COL4A2: variants seen among roughly 807,000 people sequenced by gnomAD.
COL4A2 encodes collagen type IV alpha 2 chain.
A neutral mutation model predicts 200.2 loss-of-function variants in COL4A2; 99 were observed. The observed-to-expected ratio is 0.49, with a 90% CI of 0.42 to 0.58. The LOEUF is 0.58. Ranked by LOEUF, COL4A2 falls within the 20% of genes least tolerant of loss-of-function variation. The pLI, the probability that COL4A2 is intolerant of heterozygous loss-of-function variation, is 0.00. For missense variants in COL4A2, 1,950 were observed against 2,314.1 expected, an observed-to-expected ratio of 0.84 and a Z score of 3.23; for synonymous variants, 897 against 900.6, an observed-to-expected ratio of 1.00 and a Z score of 0.07.
intron 11 of COL4A2, 93 bp downstream of exon 11, chr13:110,432,453 A>G: frequency 1.4e-6 from 2 of 1,436,518 alleles, no homozygotes; most frequent in Non-Finnish European, 1.9e-6. Context: ...CTTGGTTGGC[A>G]ACTATTTATT....
chr13:110,472,178 C>CAT (rs1566553477), intron 28 of COL4A2, among the ~76,000 whole-genome samples: 1 of 144,918 alleles, frequency 6.9e-6, no homozygotes, highest in African/African-American at 2.6e-5. Flanking sequence ...TGCAGTGGTG[C>CAT]GATCTTGGCT....
At chr13:110,450,486 G>A (rs781577794) in intron 20 of COL4A2, 32 bp downstream of exon 20, 1 of 1,611,418 alleles carries the variant, frequency 6.2e-7, no homozygotes, top group South Asian at 1.1e-5. Flanking sequence ...GGAGGGTGTA[G>A]CCTAATGTTC....
intron 29 of COL4A2, among the ~76,000 whole-genome samples, chr13:110,477,413 T>G (rs144894997): frequency 1.6e-3 from 240 of 152,358 alleles, no homozygotes; most frequent in African/African-American, 5.7e-3. Context: ...TCTGAATCAG[T>G]GCGATGTATC....
chr13:110,454,969 CG>C (rs1566542500), intron 20 of COL4A2, among the ~76,000 whole-genome samples: 1 of 152,110 alleles, frequency 6.6e-6, no homozygotes. Flanking sequence ...TGCACAAACC[CG>C]GGAGCTCCAG....
At position 110,413,836 on chromosome 13, in the gene COL4A2, G is replaced by A. The variant is rs115037927; in HGVS notation, c.181-10898G>A. Among the ~76,000 whole-genome samples the A allele has an allele frequency of 2.8e-3, 430 of 152,328 alleles. 2 individuals carry two copies. Among genetic ancestry groups the A allele is most frequent in the African/African-American group, 0.01 (416 of 41,566 alleles). On this transcript the variant is annotated intron_variant, in intron 4 of 47. Coordinates refer to ENST00000360467, the MANE Select transcript of COL4A2 (RefSeq NM_001846.4). ...GACTGTGATGTGGGACCCTCAGCAT[G>A]TGGGACCCTCAGGGCTTGGGGAACG...
chr13:110,391,898 C>T (rs746577808), intron 4 of COL4A2, among the ~76,000 whole-genome samples: 2 of 152,200 alleles, frequency 1.3e-5, no homozygotes, highest in Non-Finnish European at 2.9e-5. Context: ...CTTTGCTTTG[C>T]CCTTGCTGGA....
chr13:110,425,131 C>T (rs1880425258), intron 6 of COL4A2, 134 bp downstream of exon 6: 4 of 974,274 alleles, frequency 4.1e-6, no homozygotes, highest in South Asian at 1.5e-5. Context: ...ACTATACGTG[C>T]GTATTCTCCC....
chr13:110,450,514 A>G, intron 20 of COL4A2, 60 bp downstream of exon 20: 1 of 1,585,494 alleles, frequency 6.3e-7, no homozygotes, highest in South Asian at 1.1e-5. Context: ...GCCCGGTCCC[A>G]GCCGGATGTT....
intron 3 of COL4A2, among the ~76,000 whole-genome samples, chr13:110,309,198 CCCACT>C (rs1884905087): frequency 1.3e-5 from 2 of 152,234 alleles, no homozygotes; most frequent in African/African-American, 4.8e-5. Context: ...AGGAGCTACT[CCCACT>C]TGGGGAAGAG....
At chr13:110,317,761 T>C (rs7336475) in intron 3 of COL4A2, among the ~76,000 whole-genome samples, 17,121 of 152,184 alleles carry the variant, frequency 0.11, 1,095 homozygotes, top group Middle Eastern at 0.19. Flanking sequence ...TGCAGCTATG[T>C]AAAGGGGAAA....
intron 4 of COL4A2, among the ~76,000 whole-genome samples, chr13:110,423,595 C>T (rs930142944): frequency 2.0e-5 from 3 of 152,156 alleles, no homozygotes; most frequent in Non-Finnish European, 4.4e-5. Flanking sequence ...GTCATATTGG[C>T]GTGTCTGATT....
chr13:110,487,444 C>T (rs982923465), intron 34 of COL4A2, among the ~76,000 whole-genome samples: 7 of 152,168 alleles, frequency 4.6e-5, no homozygotes, highest in Admixed American at 4.6e-4. Flanking sequence ...CAAAGCAAGA[C>T]TCCATCTCAA....
intron 4 of COL4A2, among the ~76,000 whole-genome samples, chr13:110,378,878 A>G (rs538211771): frequency 2.2e-4 from 33 of 152,048 alleles, no homozygotes; most frequent in Non-Finnish European, 3.2e-4. Context: ...AGAGCTCCAC[A>G]TTGGTGTCGG....
chr13:110,338,958 G>A (rs997512405), intron 3 of COL4A2, among the ~76,000 whole-genome samples: 8 of 152,238 alleles, frequency 5.3e-5, no homozygotes, highest in African/African-American at 1.9e-4. Context: ...ATAAAAGGAA[G>A]AAAATGGTGC....
At chr13:110,437,025 C>T (rs1880914314) in intron 13 of COL4A2, among the ~76,000 whole-genome samples, 1 of 152,184 alleles carries the variant, frequency 6.6e-6, no homozygotes, top group African/African-American at 2.4e-5. Context: ...ACACTCAGTA[C>T]CATGTCGGGC....
At position 110,449,761 on chromosome 13, in the gene COL4A2, T is replaced by A. The variant is rs1468587455; in HGVS notation, c.1161T>A (p.Gly387=). The A allele has an allele frequency of 1.3e-6, 2 of 1,548,226 alleles. No individual in the cohort carries two copies. The highest frequency in any genetic ancestry group is 3.9e-5 in the Admixed American group (2 of 50,668). ...AGCCAGGAGACCCGGGCCTCCCAGG[T>A]CCCCCTGGCCTCTCCATCGGAGATG... The part of the protein sequence containing the change: ...QGEPGDPGLP[G]PPGLSIGDGD... The change falls in exon 19 of 48, where the codon GGT becomes GGA. Residue 387 remains glycine, a synonymous_variant. Coordinates refer to ENST00000360467, the MANE Select transcript of COL4A2 (RefSeq NM_001846.4).
intron 3 of COL4A2, among the ~76,000 whole-genome samples, chr13:110,315,345 A>G (rs996268715): frequency 9.9e-5 from 15 of 152,224 alleles, no homozygotes; most frequent in African/African-American, 3.6e-4. Flanking sequence ...TTGTAGCTCT[A>G]TAGACTTGAA....
chr13:110,472,315 C>CCT (rs1357784708), intron 28 of COL4A2, among the ~76,000 whole-genome samples: 3 of 152,022 alleles, frequency 2.0e-5, no homozygotes, highest in African/African-American at 7.2e-5. Context: ...CGAGGTTTCA[C>CCT]CGTGTTAGCC....
At chr13:110,461,071 TG>T (rs1476588666) in intron 22 of COL4A2, among the ~76,000 whole-genome samples, 1 of 152,224 alleles carries the variant, frequency 6.6e-6, no homozygotes, top group Non-Finnish European at 1.5e-5. Flanking sequence ...ACAACGCTGA[TG>T]GGTACCCTGC....
Sources: allele counts gnomAD v4.1 joint callset (sites outside exome capture counted in the v4.1 genomes callset), GRCh38; gene constraint gnomAD v4.1.1; transcripts MANE v1.5; gene names NCBI Gene and HGNC (gene_info 2026-07-23, HGNC 2026-07-21).